GRIK1: variants seen among roughly 807,000 people sequenced by gnomAD.
The protein encoded by GRIK1 is glutamate receptor ionotropic, kainate 1.
A neutral mutation model predicts 105.7 loss-of-function variants in GRIK1; 69 were observed. That is an observed-to-expected ratio of 0.65 (90% CI 0.54 to 0.80). GRIK1 has a LOEUF of 0.80. GRIK1 is among the 30% of genes least tolerant of loss of function. The pLI, the probability that GRIK1 is intolerant of heterozygous loss-of-function variation, is 0.00. For missense variants in GRIK1, 1,109 were observed against 1,167.3 expected, an observed-to-expected ratio of 0.95 and a Z score of 0.73; for synonymous variants, 438 against 431.3, an observed-to-expected ratio of 1.02 and a Z score of -0.19.
chr21:29,803,121 C>T (rs1275045646), intron 1 of GRIK1, among the ~76,000 whole-genome samples: 3 of 151,960 alleles, frequency 2.0e-5, no homozygotes, highest in Non-Finnish European at 4.4e-5. Flanking sequence ...GATAACTATC[C>T]CTTAATAGAC....
In GRIK1 at chr21:29,639,027, T is replaced by G. The variant is rs7279611; in HGVS notation, c.1098+3799A>C. Among the ~76,000 whole-genome samples the G allele has an allele frequency of 4.6e-3, 692 of 152,084 alleles. 5 individuals carry two copies. The highest frequency in any genetic ancestry group is 0.016 in the African/African-American group (658 of 41,484). ...AGAATCTGTGTTCCCAGCACCAGAG[T>G]TAAATAGGTTGGTCTTTCCCTAAAT... On this transcript the variant is annotated intron_variant, in intron 7 of 17. Transcript: ENST00000327783.
intron 9 of GRIK1, 143 bp downstream of exon 9, chr21:29,596,383 C>T (rs779323799): frequency 6.5e-6 from 5 of 766,958 alleles, no homozygotes; most frequent in Admixed American, 5.2e-5. Context: ...TATTCAATCA[C>T]TCCTCTCTCT....
At chr21:29,646,308 A>G (rs962010003) in intron 6 of GRIK1, among the ~76,000 whole-genome samples, 1 of 152,192 alleles carries the variant, frequency 6.6e-6, no homozygotes, top group Non-Finnish European at 1.5e-5. Context: ...CTGGTTGGCA[A>G]TACTTTCTAG....
chr21:29,714,498 T>C, intron 1 of GRIK1, among the ~76,000 whole-genome samples: 1 of 152,136 alleles, frequency 6.6e-6, no homozygotes, highest in Non-Finnish European at 1.5e-5. Flanking sequence ...GGACATTTGG[T>C]GCTGAAACCA....
At chr21:29,934,352 C>A (rs1045472546) in intron 1 of GRIK1, among the ~76,000 whole-genome samples, 20 of 152,154 alleles carry the variant, frequency 1.3e-4, no homozygotes, top group Non-Finnish European at 2.8e-4. Flanking sequence ...CCACTTAGTA[C>A]ACACAGTGAA....
chr21:29,561,727 C>T lies in GRIK1; in HGVS notation c.2253G>A (p.Leu751=), dbSNP rs1166965874. 2 of 1,613,928 alleles carry T rather than the reference C, an allele frequency of 1.2e-6. No homozygotes were observed. The highest frequency in any genetic ancestry group is 1.3e-5 in the African/African-American group (1 of 74,902). The change falls in exon 15 of 18, where the codon CTG becomes CTA. Residue 751 remains leucine, a synonymous_variant. Coordinates refer to ENST00000327783, the MANE Select transcript of GRIK1 (RefSeq NM_001330994.2). ...QRVLTTDYAL[L]MESTSIEYVT... ...CATACTCAATGCTGGTGGACTCCAT[C>T]AGCAGCGCGTAGTCTGTGGTGAGCA...
At chr21:29,563,008 ATTTT>A (rs1008411354) in intron 14 of GRIK1, among the ~76,000 whole-genome samples, 1 of 148,608 alleles carries the variant, frequency 6.7e-6, no homozygotes, top group Non-Finnish European at 1.5e-5. Flanking sequence ...TACAGTTCCA[ATTTT>A]TTTTTTTAAT....
intron 1 of GRIK1, among the ~76,000 whole-genome samples, chr21:29,883,805 C>T (rs1033719118): frequency 1.3e-5 from 2 of 151,932 alleles, no homozygotes; most frequent in African/African-American, 4.8e-5. Flanking sequence ...AGAACAGACA[C>T]ATTTCAAAAT....
intron 1 of GRIK1, among the ~76,000 whole-genome samples, chr21:29,781,892 G>A (rs1446498165): frequency 4.0e-5 from 6 of 148,796 alleles, no homozygotes; most frequent in East Asian, 2.0e-4. Flanking sequence ...GGATGGTCTC[G>A]ATCTCCTGAC....
intron 8 of GRIK1, chr21:29,597,576 TC>T: frequency 2.4e-6 from 1 of 411,100 alleles, no homozygotes. Context: ...CCAGCCAACA[TC>T]CCATGCACCA....
At chr21:29,727,896 A>C (rs2088511086) in intron 1 of GRIK1, among the ~76,000 whole-genome samples, 1 of 152,170 alleles carries the variant, frequency 6.6e-6, no homozygotes, top group Non-Finnish European at 1.5e-5. Flanking sequence ...GGAGCCCCGG[A>C]AAAGCCAGTC....
chr21:29,690,036 G>A (rs769563605), intron 2 of GRIK1, 51 bp from the exon 3 acceptor site: 5 of 1,351,042 alleles, frequency 3.7e-6, no homozygotes, highest in Admixed American at 1.9e-5. Flanking sequence ...GGGAAAGGGG[G>A]AGAGAAAAAG....
chr21:29,833,334 C>T (rs1243894909), intron 1 of GRIK1, among the ~76,000 whole-genome samples: 1 of 152,160 alleles, frequency 6.6e-6, no homozygotes, highest in African/African-American at 2.4e-5. Flanking sequence ...AAGTCACCTC[C>T]ACATTTTTGG....
At chr21:29,891,817 A>G (rs1416089899) in intron 1 of GRIK1, among the ~76,000 whole-genome samples, 2 of 152,212 alleles carry the variant, frequency 1.3e-5, no homozygotes, top group Non-Finnish European at 2.9e-5. Flanking sequence ...AGTATTAAAA[A>G]CTATGATTAA....
Position 29,673,020 on chromosome 21 carries a change from T to A in GRIK1, c.689A>T (p.Asp230Val). 3 of 1,613,556 alleles carry A rather than the reference T, an allele frequency of 1.9e-6. No homozygotes were observed. The highest frequency in any genetic ancestry group is 2.5e-6 in the Non-Finnish European group (3 of 1,179,612). The part of the protein sequence containing the change: ...KKGKEFYVIF[D>V]CSHETAAEIL... ...TTCAGCGGCTGTTTCATGTGAACAA[T>A]CAAATATCACATAGAACTCCTTGCC... Residue 230 changes from aspartate (D) to valine (V), a missense_variant, in exon 4 of 18, where the codon GAT (aspartate) becomes GTT (valine). Asp to Val is a radical substitution (Grantham distance 152). Around this residue, in one of 5 missense-constraint regions of GRIK1, gnomAD observed 612 missense variants for 586.0 expected, o/e 1.04. Transcript: ENST00000327783.
chr21:29,692,413 G>T (rs909400164), intron 2 of GRIK1, among the ~76,000 whole-genome samples: 5 of 152,044 alleles, frequency 3.3e-5, no homozygotes, highest in South Asian at 2.1e-4. Context: ...TTTATGTGAG[G>T]ATAGCTTGGA....
chr21:29,766,918 AG>A (rs1256007215), intron 1 of GRIK1, among the ~76,000 whole-genome samples: 2 of 152,232 alleles, frequency 1.3e-5, no homozygotes, highest in Non-Finnish European at 2.9e-5. Context: ...ATTGCATGAA[AG>A]GCTCTGTTAT....
intron 1 of GRIK1, among the ~76,000 whole-genome samples, chr21:29,759,434 TA>T (rs1398002690): frequency 4.6e-5 from 7 of 152,198 alleles, no homozygotes; most frequent in Non-Finnish European, 1.0e-4. Flanking sequence ...CCTTATTTTC[TA>T]ATGCTATGTT....
At chr21:29,861,925 T>A (rs866917288) in intron 1 of GRIK1, among the ~76,000 whole-genome samples, 5 of 152,192 alleles carry the variant, frequency 3.3e-5, no homozygotes, top group South Asian at 2.1e-4. Context: ...GTAGTCCTTG[T>A]TATGTTTTCA....
Sources: allele counts gnomAD v4.1 joint callset (sites outside exome capture counted in the v4.1 genomes callset), GRCh38; gene constraint gnomAD v4.1.1; regional missense constraint gnomAD v4.1.1; transcripts MANE v1.5; gene names NCBI Gene and HGNC (gene_info 2026-07-23, HGNC 2026-07-21).